The following KIF24 variants were observed in gnomAD, a reference collection of about 807,000 sequenced individuals.
KIF24 encodes kinesin-like protein KIF24.
In KIF24, 81 loss-of-function variants were observed where a neutral mutation model predicts 118.9. That is an observed-to-expected ratio of 0.68 (90% CI 0.57 to 0.82). The LOEUF (loss-of-function observed/expected upper bound fraction) is 0.82. Ranked by LOEUF, KIF24 falls within the 40% of genes least tolerant of loss-of-function variation. The pLI, the probability that KIF24 is intolerant of heterozygous loss-of-function variation, is 0.00. For synonymous variants in KIF24, 599 were observed against 610.0 expected (o/e 0.98, Z 0.27); for missense variants, 1,560 against 1,661.6 (o/e 0.94, Z 1.06).
chr9:34,258,713 C>T (rs1328757113), intron 10 of KIF24, among the ~76,000 whole-genome samples: 1 of 152,118 alleles, frequency 6.6e-6, no homozygotes, highest in Admixed American at 6.6e-5. Flanking sequence ...TTTCTGCAAA[C>T]CACCCCCTTT....
Position 34,255,751 on chromosome 9 carries a change from T to C in KIF24, c.3856A>G (p.Thr1286Ala), listed in dbSNP as rs1302567498. ...CCAACTTACTGCGCTTGCTCCAGGGTGGGCTGACGGAGTGTCCCTGCAGTC... is the reference window on the plus strand; with the variant it reads ...CCAACTTACTGCGCTTGCTCCAGGGCGGGCTGACGGAGTGTCCCTGCAGTC... ...PKTAGTLRQP[T>A]LEQAQQVVIR... Residue 1286 changes from threonine (T) to alanine (A), a missense_variant, in exon 11 of 13, where the codon ACC becomes GCC. Physicochemically the swap from Thr to Ala is moderately conservative, Grantham distance 58. This residue lies in a region of KIF24 where 591 missense variants were observed against 655.6 expected (regional missense o/e 0.90). Transcript: ENST00000402558. 6.2e-7 allele frequency: 1 copy of C among 1,611,982 alleles called. No homozygotes were observed. Among genetic ancestry groups the C allele is most frequent in the East Asian group, 2.2e-5 (1 of 44,860 alleles).
At chr9:34,304,141 A>G (rs1439275897) in intron 3 of KIF24, among the ~76,000 whole-genome samples, 2 of 152,214 alleles carry the variant, frequency 1.3e-5, no homozygotes, top group Non-Finnish European at 2.9e-5. Flanking sequence ...ACAAAAACCT[A>G]TTATCTCTAA....
intron 5 of KIF24, among the ~76,000 whole-genome samples, chr9:34,287,256 T>C (rs1349015912): frequency 6.6e-6 from 1 of 152,230 alleles, no homozygotes; most frequent in Non-Finnish European, 1.5e-5. Flanking sequence ...AGTAAACCAA[T>C]GCTGAAGCCT....
chr9:34,255,747 A>G lies in KIF24; in HGVS notation c.3860T>C (p.Leu1287Pro), dbSNP rs981159500. The change falls in exon 11 of 13, where the codon CTG becomes CCG. Residue 1287 changes from leucine to proline, a missense_variant. Leu to Pro is a moderately conservative substitution (Grantham distance 98). Around this residue, in one of 3 missense-constraint regions of KIF24, gnomAD observed 591 missense variants for 655.6 expected, o/e 0.90. Transcript: ENST00000402558. ...GTGTCCAACTTACTGCGCTTGCTCC[A>G]GGGTGGGCTGACGGAGTGTCCCTGC... ...KTAGTLRQPT[L>P]EQAQQVVIRA... The G allele has an allele frequency of 1.9e-6, 3 of 1,611,584 alleles. No individual in the cohort carries two copies. Among genetic ancestry groups the G allele is most frequent in the African/African-American group, 2.7e-5 (2 of 74,908 alleles).
chr9:34,319,040 A>G (rs1014268872), intron 1 of KIF24: 7 of 1,259,618 alleles, frequency 5.6e-6, no homozygotes, highest in Admixed American at 3.4e-5. Flanking sequence ...CTGGAATGAG[A>G]AATTCCACCA....
intron 1 of KIF24, chr9:34,319,264 G>A: frequency 1.6e-6 from 2 of 1,213,068 alleles, no homozygotes; most frequent in East Asian, 2.3e-5. Context: ...GGTAACCAAA[G>A]AGCAGCTGAA....
At chr9:34,262,238 C>T (rs1349949124) in intron 9 of KIF24, among the ~76,000 whole-genome samples, 2 of 151,998 alleles carry the variant, frequency 1.3e-5, no homozygotes, top group African/African-American at 2.4e-5. Context: ...CCAGAGTTAC[C>T]ATACACTGGA....
chr9:34,268,808 G>C (rs542996749), intron 8 of KIF24, among the ~76,000 whole-genome samples: 1 of 152,142 alleles, frequency 6.6e-6, no homozygotes, highest in South Asian at 2.1e-4. Context: ...GCTCCCAGCT[G>C]GATTTTCTTT....
intron 8 of KIF24, among the ~76,000 whole-genome samples, chr9:34,268,435 C>T (rs1486429180): frequency 2.6e-5 from 4 of 151,784 alleles, no homozygotes; most frequent in African/African-American, 4.8e-5. Context: ...GGATTACAGG[C>T]GTGAGCCACT....
intron 3 of KIF24, among the ~76,000 whole-genome samples, chr9:34,297,558 C>T (rs574702856): frequency 1.3e-5 from 2 of 152,150 alleles, no homozygotes; most frequent in Admixed American, 6.5e-5. Flanking sequence ...GTCAGGAGAT[C>T]GAGACCATCC....
chr9:34,301,707 G>A (rs1180597239), intron 3 of KIF24, among the ~76,000 whole-genome samples: 1 of 151,742 alleles, frequency 6.6e-6, no homozygotes, highest in African/African-American at 2.4e-5. Context: ...ATGGTGGTGT[G>A]ATGCCTGTAA....
chr9:34,263,580 C>T (rs1182719112), intron 8 of KIF24, among the ~76,000 whole-genome samples: 1 of 152,156 alleles, frequency 6.6e-6, no homozygotes, highest in Non-Finnish European at 1.5e-5. Flanking sequence ...TCCACTTCCC[C>T]ACTCCCTGCT....
At chr9:34,278,467 A>G (rs1835735025) in intron 6 of KIF24, among the ~76,000 whole-genome samples, 1 of 152,112 alleles carries the variant, frequency 6.6e-6, no homozygotes, top group Admixed American at 6.6e-5. Context: ...TAAACTTCTA[A>G]AACTTAAACT....
chr9:34,281,401 AGT>A (rs1221566436), intron 6 of KIF24, among the ~76,000 whole-genome samples: 1 of 152,182 alleles, frequency 6.6e-6, no homozygotes, highest in East Asian at 1.9e-4. Flanking sequence ...AAGGCTTCAG[AGT>A]GAGATCAATC....
At position 34,306,249 on chromosome 9, in the gene KIF24, T is replaced by C. The variant is rs1447210709; in HGVS notation, c.813+3A>G. ...TTCCAAACATAAAACGAAAACATCA[T>C]ACCTGCAGAATATATTGAGTGAGGT... On this transcript the variant is annotated splice_donor_region_variant and intron_variant, in intron 3 of 12. Coordinates refer to ENST00000402558, the MANE Select transcript of KIF24 (RefSeq NM_194313.4). 4.4e-6 allele frequency: 7 copies of C among 1,573,332 alleles called. No individual in the cohort carries two copies. Among genetic ancestry groups the C allele is most frequent in the Non-Finnish European group, 5.2e-6 (6 of 1,159,038 alleles).
At chr9:34,319,411 C>T (rs979141915) in intron 1 of KIF24, 3 of 947,066 alleles carry the variant, frequency 3.2e-6, no homozygotes, top group Non-Finnish European at 5.2e-6. Flanking sequence ...GCAAACTTGT[C>T]ACGCATGCCA....
chr9:34,277,519 C>T (rs2131720384), intron 6 of KIF24, among the ~76,000 whole-genome samples: 1 of 152,236 alleles, frequency 6.6e-6, no homozygotes, highest in African/African-American at 2.4e-5. Context: ...CCCTGTGGTT[C>T]TTCCTCAAGA....
intron 12 of KIF24, 50 bp downstream of exon 12, chr9:34,255,022 C>G (rs747818188): frequency 8.1e-7 from 1 of 1,240,592 alleles, no homozygotes; most frequent in Non-Finnish European, 1.2e-6. Flanking sequence ...ATCAAATTAG[C>G]TGCAGGCTAA....
At chr9:34,289,252 A>G (rs1039259547) in intron 5 of KIF24, among the ~76,000 whole-genome samples, 9 of 152,070 alleles carry the variant, frequency 5.9e-5, no homozygotes, top group African/African-American at 1.9e-4. Context: ...ACCCTCTACA[A>G]TGGGGGCCTG....
Sources: allele counts gnomAD v4.1 joint callset (sites outside exome capture counted in the v4.1 genomes callset), GRCh38; gene constraint gnomAD v4.1.1; regional missense constraint gnomAD v4.1.1; transcripts MANE v1.5; gene names NCBI Gene and HGNC (gene_info 2026-07-23, HGNC 2026-07-21).